The following GRM8 variants were observed in gnomAD, a reference collection of about 807,000 sequenced individuals.
The protein encoded by GRM8 is glutamate metabotropic receptor 8, also known as metabotropic glutamate receptor 8.
GRM8 carries 47 observed loss-of-function variants against 87.2 expected under a neutral mutation model. The ratio of observed to expected loss-of-function variants is 0.54; its 90% confidence interval spans 0.43 to 0.69. The LOEUF is 0.69. GRM8 is among the 30% of genes least tolerant of loss of function. GRM8 has a pLI of 0.00. For missense variants in GRM8, 1,019 were observed against 1,139.2 expected (o/e 0.89, Z 1.52); for synonymous variants, 396 against 404.5 (o/e 0.98, Z 0.25).
intron 2 of GRM8, among the ~76,000 whole-genome samples, chr7:127,191,349 T>TA (rs1251942164): frequency 1.3e-5 from 2 of 152,342 alleles, no homozygotes; most frequent in Middle Eastern, 3.4e-3. Context: ...ACATTGTTTT[T>TA]ATCATATAAA....
chr7:126,697,360 A>C (rs955592095), intron 7 of GRM8, among the ~76,000 whole-genome samples: 1 of 152,146 alleles, frequency 6.6e-6, no homozygotes, highest in African/African-American at 2.4e-5. Context: ...TGTATTATAT[A>C]CTAGAAACTG....
chr7:126,676,580 A>G (rs1300031701), intron 7 of GRM8, among the ~76,000 whole-genome samples: 5 of 152,196 alleles, frequency 3.3e-5, no homozygotes, highest in Non-Finnish European at 5.9e-5. Context: ...AAATACTTAC[A>G]ACCAACTGAT....
chr7:127,063,696 TTCTTTC>T (rs1563468356), intron 3 of GRM8, among the ~76,000 whole-genome samples: 1 of 152,262 alleles, frequency 6.6e-6, no homozygotes, highest in Non-Finnish European at 1.5e-5. Flanking sequence ...GGTGGATTTA[TTCTTTC>T]TCTAATTCTT....
chr7:126,749,383 A>G (rs990080903), intron 7 of GRM8, among the ~76,000 whole-genome samples: 4 of 152,038 alleles, frequency 2.6e-5, no homozygotes, highest in Non-Finnish European at 4.4e-5. Flanking sequence ...AAAAAAATTC[A>G]TAAGCTTGAG....
intron 8 of GRM8, among the ~76,000 whole-genome samples, chr7:126,590,984 G>A (rs1047536275): frequency 2.6e-5 from 4 of 151,446 alleles, no homozygotes. Flanking sequence ...TTTAAAAAAA[G>A]GTATTTAGGC....
intron 3 of GRM8, among the ~76,000 whole-genome samples, chr7:127,011,510 G>T (rs532073504): frequency 6.6e-6 from 1 of 152,086 alleles, no homozygotes; most frequent in Admixed American, 6.6e-5. Flanking sequence ...ATATATAGCC[G>T]CCTCTTCTTC....
chr7:127,030,527 C>T (rs550920887), intron 3 of GRM8, among the ~76,000 whole-genome samples: 24 of 152,216 alleles, frequency 1.6e-4, no homozygotes, highest in African/African-American at 5.8e-4. Context: ...AGTTTACTCT[C>T]TGTTTATCTC....
At chr7:126,978,199 G>C (rs183351925) in intron 3 of GRM8, among the ~76,000 whole-genome samples, 4 of 151,868 alleles carry the variant, frequency 2.6e-5, no homozygotes, top group Non-Finnish European at 5.9e-5. Context: ...GTAGGGAAGC[G>C]GAGGGGAGGA....
At chr7:126,745,093 T>C (rs1815493726) in intron 7 of GRM8, among the ~76,000 whole-genome samples, 1 of 151,856 alleles carries the variant, frequency 6.6e-6, no homozygotes, top group Non-Finnish European at 1.5e-5. Flanking sequence ...CCTGGAATCC[T>C]TAATAATTTT....
chr7:126,542,175 T>A (rs1304748673), intron 8 of GRM8, among the ~76,000 whole-genome samples: 1 of 152,196 alleles, frequency 6.6e-6, no homozygotes, highest in African/African-American at 2.4e-5. Context: ...TTTCTGTTAT[T>A]TAAGCCACCC....
intron 6 of GRM8, among the ~76,000 whole-genome samples, chr7:126,785,713 G>A (rs1158843408): frequency 2.6e-5 from 4 of 151,984 alleles, no homozygotes; most frequent in African/African-American, 9.7e-5. Flanking sequence ...CCTGGAACCA[G>A]GAGGAATTAG....
intron 8 of GRM8, among the ~76,000 whole-genome samples, chr7:126,549,554 G>A (rs951246652): frequency 6.6e-6 from 1 of 152,038 alleles, no homozygotes; most frequent in African/African-American, 2.4e-5. Flanking sequence ...AATGGTTGTA[G>A]TTTATGTTTA....
chr7:126,642,420 C>T (rs1211614768), intron 7 of GRM8, among the ~76,000 whole-genome samples: 3 of 151,980 alleles, frequency 2.0e-5, no homozygotes, highest in African/African-American at 4.8e-5. Context: ...GGGCAGATCA[C>T]AAGGTCAGGA....
At chr7:126,844,952 T>C (rs1271094279) in intron 6 of GRM8, among the ~76,000 whole-genome samples, 1 of 152,164 alleles carries the variant, frequency 6.6e-6, no homozygotes, top group African/African-American at 2.4e-5. Flanking sequence ...GAGGGCGGAA[T>C]TTAGTCCTTA....
chr7:126,740,850 T>C (rs759562292), intron 7 of GRM8, among the ~76,000 whole-genome samples: 5 of 152,114 alleles, frequency 3.3e-5, no homozygotes, highest in Non-Finnish European at 7.4e-5. Flanking sequence ...TACCGAAGCA[T>C]AGACATTTCC....
chr7:126,568,420 G>A (rs553089772), intron 8 of GRM8, among the ~76,000 whole-genome samples: 23 of 152,174 alleles, frequency 1.5e-4, no homozygotes, highest in African/African-American at 5.5e-4. Flanking sequence ...TTAAAACTAA[G>A]TTATTTAGGG....
chr7:126,884,186 A>G (rs1033294083), intron 6 of GRM8, among the ~76,000 whole-genome samples: 2 of 152,172 alleles, frequency 1.3e-5, no homozygotes, highest in African/African-American at 4.8e-5. Flanking sequence ...ACAAAAAACT[A>G]TATTCAAAGT....
At chr7:126,788,615 T>TA (rs908946513) in intron 6 of GRM8, among the ~76,000 whole-genome samples, 1 of 152,074 alleles carries the variant, frequency 6.6e-6, no homozygotes, top group Admixed American at 6.6e-5. Flanking sequence ...ACAATTGTGT[T>TA]AAATGACATG....
chr7:127,154,848 A>T (rs1297328623), intron 2 of GRM8, among the ~76,000 whole-genome samples: 1 of 152,126 alleles, frequency 6.6e-6, no homozygotes, highest in African/African-American at 2.4e-5. Flanking sequence ...TTATTCTATC[A>T]GTTTTTGAAC....
Sources: gnomAD v4.1 joint callset for allele counts (sites outside exome capture counted in the v4.1 genomes callset) on GRCh38, gnomAD v4.1.1 for gene constraint, MANE v1.5 for transcripts, NCBI Gene and HGNC (gene_info 2026-07-23, HGNC 2026-07-21) for gene names.